The following JPH2 variants were observed in gnomAD, a reference collection of about 807,000 sequenced individuals.
The protein encoded by JPH2 is junctophilin-2.
Under a neutral mutation model 55.9 loss-of-function variants are expected in JPH2, and 38 were observed. That is an observed-to-expected ratio of 0.68 (90% confidence interval 0.52 to 0.89). The LOEUF (loss-of-function observed/expected upper bound fraction) is 0.89. JPH2 is among the 40% of genes least tolerant of loss of function. JPH2 has a pLI of 0.00. For synonymous variants in JPH2, 480 were observed against 472.4 expected (o/e 1.02, Z -0.21); for missense variants, 964 against 1,037.6 (o/e 0.93, Z 0.97).
rs372786605 is a variant in JPH2 at position 44,130,570 on chromosome 20, G to C, written c.1170-11947C>G. ...CTTGCTCCTCCTCCACCAACCAACA[G>C]AGTAGTGGACCCTGCAGTTCAACCT... On this transcript the variant is annotated intron_variant, in intron 2 of 5. Transcript: ENST00000372980. Among the ~76,000 whole-genome samples, 59 of 152,356 alleles carry C rather than the reference G, an allele frequency of 3.9e-4. 1 individual carries two copies. In the South Asian group the frequency reaches 8.7e-3, roughly 22 times the overall value.
chr20:44,114,901 C>T, intron 4 of JPH2, 25 bp from the exon 5 acceptor site: 3 of 1,574,700 alleles, frequency 1.9e-6, no homozygotes, highest in Non-Finnish European at 2.6e-6. Context: ...GAGAGGCTTC[C>T]TGAGTCCCCA....
At chr20:44,115,556 G>A in intron 4 of JPH2, 109 bp downstream of exon 4, 3 of 1,419,046 alleles carry the variant, frequency 2.1e-6, no homozygotes, top group African/African-American at 1.4e-5. Flanking sequence ...ATCCTGCTTC[G>A]GTCTCTCGCA....
At chr20:44,158,845 C>T (rs554178383) in intron 2 of JPH2, among the ~76,000 whole-genome samples, 118 of 152,046 alleles carry the variant, frequency 7.8e-4, no homozygotes, top group African/African-American at 2.8e-3. Flanking sequence ...AATGGAAGTA[C>T]TTGAGTGAAT....
At position 44,141,258 on chromosome 20, in the gene JPH2, G is replaced by A. The variant is rs182667647; in HGVS notation, c.1169+18360C>T. ...CACCTTCCCATTCTCTACATCTGGG[G>A]AAGGTCTTCACTTCTGCATGGAGAG... On this transcript the variant is annotated intron_variant, in intron 2 of 5. Transcript: ENST00000372980. Among the ~76,000 whole-genome samples the A allele has an allele frequency of 2.6e-5, 4 of 152,328 alleles. No individual in the cohort carries two copies. The East Asian group carries it at 7.7e-4, about 29-fold the overall frequency.
intron 2 of JPH2, among the ~76,000 whole-genome samples, chr20:44,123,435 G>A (rs2072252731): frequency 6.6e-6 from 1 of 151,930 alleles, no homozygotes; most frequent in East Asian, 1.9e-4. Context: ...GCGGCTCAGC[G>A]AGCTTGCTTA....
In JPH2 at chr20:44,108,437, T is replaced by G. The variant is rs529931513; in HGVS notation, c.*5081A>C. 6.6e-6 allele frequency among the ~76,000 whole-genome samples: 1 copy of G among 152,158 alleles called. No homozygotes were observed. The highest frequency in any genetic ancestry group is 1.9e-4 in the East Asian group (1 of 5,178). On this transcript the variant is annotated 3_prime_UTR_variant, in exon 6 of 6. Coordinates refer to ENST00000372980, the MANE Select transcript of JPH2 (RefSeq NM_020433.5). ...GTAGCCAGTCAGTATGAACTGATGGTGGCCCTGGAGATCCCCAAACTTGTA... is the reference window on the plus strand; with the variant it reads ...GTAGCCAGTCAGTATGAACTGATGGGGGCCCTGGAGATCCCCAAACTTGTA...
chr20:44,169,452 A>G (rs1052394809), intron 1 of JPH2, among the ~76,000 whole-genome samples: 1 of 152,180 alleles, frequency 6.6e-6, no homozygotes, highest in African/African-American at 2.4e-5. Context: ...TGCTGGGATT[A>G]CAGGCATGAG....
intron 2 of JPH2, among the ~76,000 whole-genome samples, chr20:44,134,843 G>A (rs1180695854): frequency 8.1e-5 from 8 of 98,752 alleles, no homozygotes; most frequent in South Asian, 5.8e-4. Context: ...ATAAATATAT[G>A]TTTATTATAA....
chr20:44,132,475 G>A (rs1406481005), intron 2 of JPH2, among the ~76,000 whole-genome samples: 1 of 144,344 alleles, frequency 6.9e-6, no homozygotes, highest in African/African-American at 2.6e-5. Context: ...ACCCAGCTCT[G>A]CCCAGGGAGA....
intron 1 of JPH2, among the ~76,000 whole-genome samples, chr20:44,182,047 A>G (rs1347978944): frequency 6.6e-6 from 1 of 152,248 alleles, no homozygotes; most frequent in African/African-American, 2.4e-5. Context: ...GTACTCATTC[A>G]TCCCAGGAGA....
chr20:44,127,687 C>T (rs532045888), intron 2 of JPH2, among the ~76,000 whole-genome samples: 1 of 152,066 alleles, frequency 6.6e-6, no homozygotes, highest in African/African-American at 2.4e-5. Flanking sequence ...GACGGGGTTT[C>T]ATCATGTTAG....
intron 2 of JPH2, among the ~76,000 whole-genome samples, chr20:44,125,805 T>C: frequency 6.6e-6 from 1 of 151,810 alleles, no homozygotes; most frequent in Non-Finnish European, 1.5e-5. Context: ...ATCTGTAAAA[T>C]GGGAATAATA....
intron 1 of JPH2, among the ~76,000 whole-genome samples, chr20:44,167,601 C>T (rs572306503): frequency 3.3e-5 from 5 of 152,236 alleles, no homozygotes; most frequent in East Asian, 1.9e-4. Context: ...CCTGTCCCCC[C>T]GATAGGACTC....
intron 1 of JPH2, among the ~76,000 whole-genome samples, chr20:44,174,715 A>T (rs1463385755): frequency 2.0e-5 from 3 of 152,126 alleles, no homozygotes. Flanking sequence ...CGGAGGTTGC[A>T]GTAAGCCAGG....
intron 1 of JPH2, among the ~76,000 whole-genome samples, chr20:44,165,010 G>T (rs2072646093): frequency 6.6e-6 from 1 of 151,908 alleles, no homozygotes; most frequent in South Asian, 2.1e-4. Context: ...GCTAATTTTT[G>T]CATTTTTAGT....
intron 2 of JPH2, among the ~76,000 whole-genome samples, chr20:44,147,650 G>T (rs2072502252): frequency 6.6e-6 from 1 of 152,184 alleles, no homozygotes; most frequent in Non-Finnish European, 1.5e-5. Flanking sequence ...TTTTTATTTT[G>T]TACGTGTATG....
rs376612687 is a variant in JPH2, at chr20:44,115,823, T to C, written c.1852A>G (p.Thr618Ala). The change falls in exon 4 of 6, where the codon ACC becomes GCC. Residue 618 changes from threonine (T) to alanine (A), a missense_variant. Transcript: ENST00000372980. ...TLRGPEPARE[T>A]PAKLEPKPII... is the part of the protein sequence containing the mutation. ...GGCTTGGGCTCCAGCTTGGCGGGGGTCTCGCGTGCAGGCTCGGGGCCTCGG... is the reference window on the plus strand; with the variant it reads ...GGCTTGGGCTCCAGCTTGGCGGGGGCCTCGCGTGCAGGCTCGGGGCCTCGG... The C allele has an allele frequency of 2.8e-4, 454 of 1,601,414 alleles. No individual in the cohort carries two copies. The highest frequency in any genetic ancestry group is 3.7e-4 in the Non-Finnish European group (441 of 1,178,046).
intron 2 of JPH2, among the ~76,000 whole-genome samples, chr20:44,145,046 C>G (rs562049507): frequency 6.6e-6 from 1 of 152,184 alleles, no homozygotes. Context: ...GAGTGCAGGA[C>G]TAGAGCCCAG....
At chr20:44,169,913 T>C (rs1284437650) in intron 1 of JPH2, among the ~76,000 whole-genome samples, 1 of 152,164 alleles carries the variant, frequency 6.6e-6, no homozygotes, top group Non-Finnish European at 1.5e-5. Context: ...CTGTGCCACC[T>C]TGGGACTCTG....
Sources: gnomAD v4.1 joint callset for allele counts (sites outside exome capture counted in the v4.1 genomes callset) on GRCh38, gnomAD v4.1.1 for gene constraint, MANE v1.5 for transcripts, NCBI Gene and HGNC (gene_info 2026-07-23, HGNC 2026-07-21) for gene names.